FOXRED2: variants seen among roughly 807,000 people sequenced by gnomAD.
FOXRED2 encodes the protein FAD dependent oxidoreductase domain containing 2.
Under a neutral mutation model 52.5 loss-of-function variants are expected in FOXRED2, and 32 were observed. The ratio of observed to expected loss-of-function variants is 0.61; its 90% CI spans 0.46 to 0.82. The LOEUF (loss-of-function observed/expected upper bound fraction) is 0.82, where lower values mean the gene tolerates loss of function less well. Among genes scored for constraint, FOXRED2 ranks in the 40% least tolerant of loss-of-function variants. The pLI is 0.00. For synonymous variants in FOXRED2, 405 were observed against 398.1 expected, an observed-to-expected ratio of 1.02 and a Z score of -0.21; for missense variants, 848 against 937.5, an observed-to-expected ratio of 0.90 and a Z score of 1.25.
intron 1 of FOXRED2, 170 bp from the exon 2 acceptor site, chr22:36,506,593 A>G: frequency 1.7e-6 from 1 of 591,028 alleles, no homozygotes; most frequent in Non-Finnish European, 2.7e-6. Context: ...TCAAGCTGGG[A>G]CTTGGGGCTC....
At chr22:36,506,823 A>T in intron 1 of FOXRED2, 186 bp downstream of exon 1, 1 of 172,146 alleles carries the variant, frequency 5.8e-6, no homozygotes, top group Non-Finnish European at 1.2e-5. Flanking sequence ...TGGGAGCCTG[A>T]AGTGGGTGTG....
rs969345802 is a variant in FOXRED2 at position 36,501,250 on chromosome 22, G to T, written c.1207C>A (p.Arg403=). Residue 403 remains arginine, a synonymous_variant, in exon 5 of 9, where the codon CGA becomes AGA. Transcript: ENST00000397224. ...TCTCAGCTGGGCTCACCTGTGTATC[G>T]GAATCCGTGGATGAAGCCCCCAGCA... ...KSAGGFIHGF[R]YTVRAVHRLL... 22 of 1,613,878 alleles carry T rather than the reference G, an allele frequency of 1.4e-5. No individual in the cohort carries two copies. Among genetic ancestry groups the T allele is most frequent in the Non-Finnish European group, 1.7e-5 (20 of 1,179,986 alleles).
At chr22:36,493,128 G>A (rs760684779) in intron 8 of FOXRED2, among the ~76,000 whole-genome samples, 11 of 152,182 alleles carry the variant, frequency 7.2e-5, no homozygotes, top group Non-Finnish European at 1.5e-4. Context: ...ATGGCGCCTG[G>A]CCCTGCTAAT....
At chr22:36,497,175 G>C (rs1390064141) in intron 6 of FOXRED2, among the ~76,000 whole-genome samples, 1 of 148,864 alleles carries the variant, frequency 6.7e-6, no homozygotes, top group African/African-American at 2.5e-5. Flanking sequence ...GTGAGACTCT[G>C]AGTCAAAAAA....
Position 36,504,210 on chromosome 22 carries a change from C to A in FOXRED2, c.937G>T (p.Ala313Ser), listed in dbSNP as rs1408602789. ...TCCTGGGGGAGGGTGATGGAGTCGG[C>A]ACTCTGGTTGGTGTTGGCTTCTTCC... ...FLEEANTNQS[A>S]DSITLPQDDN... The change falls in exon 4 of 9, where the codon GCC becomes TCC. Residue 313 changes from alanine (A) to serine (S), a missense_variant. Coordinates refer to ENST00000397224, the MANE Select transcript of FOXRED2 (RefSeq NM_001102371.2). The A allele has an allele frequency of 6.2e-7, 1 of 1,614,202 alleles. No homozygotes were observed. Among genetic ancestry groups the A allele is most frequent in the Admixed American group, 1.7e-5 (1 of 60,022 alleles).
Position 36,489,764 on chromosome 22 carries a change from G to A in FOXRED2, c.*244C>T. The A allele has an allele frequency of 2.3e-6, 1 of 437,198 alleles. No individual in the cohort carries two copies. Among genetic ancestry groups the A allele is most frequent in the South Asian group, 4.2e-5 (1 of 23,878 alleles). The allele number at this position is 437,198 out of a possible 1,614,324, so 27.1% of individuals were successfully genotyped here. A position where few individuals can be genotyped will look rare whatever the true frequency, so the allele number is the denominator to read the frequency against. Reference sequence around the variant, plus strand: ...TCCATTGCAGACAAACTGGGCTGGGGAAGGCAGCTCCCACCTGGCAGAGGA... The same window carrying A: ...TCCATTGCAGACAAACTGGGCTGGGAAAGGCAGCTCCCACCTGGCAGAGGA... On this transcript the variant is annotated 3_prime_UTR_variant, in exon 9 of 9. Transcript: ENST00000397224.
intron 2 of FOXRED2, among the ~76,000 whole-genome samples, chr22:36,505,281 A>G (rs571185673): frequency 6.6e-6 from 1 of 152,316 alleles, no homozygotes; most frequent in East Asian, 1.9e-4. Context: ...TTTACAGGTG[A>G]GGAGGCACAG....
Position 36,488,371 on chromosome 22 carries a change from G to C in FOXRED2, c.*1637C>G. 1 of 152,232 alleles carries C rather than the reference G, an allele frequency of 6.6e-6. No homozygotes were observed. The highest frequency in any genetic ancestry group is 2.1e-4 in the South Asian group (1 of 4,824). The allele number at this position is 152,232 out of a possible 1,614,324, so 9.4% of individuals were successfully genotyped here. ...CCTCCCAGGTTCAAGCAATTCTCCTGCCTCAGCTTCCCAAGTAGCTGGGAT... is the reference window on the plus strand; with the variant it reads ...CCTCCCAGGTTCAAGCAATTCTCCTCCCTCAGCTTCCCAAGTAGCTGGGAT... On this transcript the variant is annotated 3_prime_UTR_variant, in exon 9 of 9. Coordinates refer to ENST00000397224, the MANE Select transcript of FOXRED2 (RefSeq NM_001102371.2).
intron 7 of FOXRED2, among the ~76,000 whole-genome samples, chr22:36,495,179 T>G (rs1178009321): frequency 6.6e-6 from 1 of 152,138 alleles, no homozygotes; most frequent in East Asian, 1.9e-4. Flanking sequence ...CAGGCTGGTC[T>G]TGAACTCCTG....
Position 36,496,352 on chromosome 22 carries a change from C to G in FOXRED2, c.1383-144G>C, listed in dbSNP as rs935374062. On this transcript the variant is annotated intron_variant, in intron 6 of 8. Coordinates refer to ENST00000397224, the MANE Select transcript of FOXRED2 (RefSeq NM_001102371.2). ...GCAGCACACCCCTCACTTAACATTACTTTTTCAGCTCAGCTCTCACGCACA... is the reference window on the plus strand; with the variant it reads ...GCAGCACACCCCTCACTTAACATTAGTTTTTCAGCTCAGCTCTCACGCACA... The G allele has an allele frequency of 3.9e-6, 4 of 1,025,064 alleles. No individual in the cohort carries two copies. In the South Asian group the frequency reaches 6.5e-5, roughly 17 times the overall value. 63.5% of individuals were successfully genotyped at this position (1,025,064 alleles called of 1,614,324 possible).
rs747409045 is a variant in FOXRED2, at chr22:36,493,775, G to A, written c.1653C>T (p.His551=). ...TEQEVRFRPA[H]WPLPRPTAIH... Reference sequence around the variant, plus strand: ...TGGCCGTGGGCCGAGGCAGGGGCCAGTGTGCAGGGCGGAACCTCACCTCCT... The same window carrying A: ...TGGCCGTGGGCCGAGGCAGGGGCCAATGTGCAGGGCGGAACCTCACCTCCT... Residue 551 remains histidine (H), a synonymous_variant, in exon 8 of 9, where the codon CAC becomes CAT. Transcript: ENST00000397224. 5 of 1,614,100 alleles carry A rather than the reference G, an allele frequency of 3.1e-6. No individual in the cohort carries two copies.
chr22:36,500,066 G>A (rs1221269312), intron 5 of FOXRED2, among the ~76,000 whole-genome samples: 2 of 152,176 alleles, frequency 1.3e-5, no homozygotes, highest in Non-Finnish European at 2.9e-5. Flanking sequence ...CTACCAAAGT[G>A]CTGGGATGAC....
intron 2 of FOXRED2, among the ~76,000 whole-genome samples, chr22:36,505,583 A>C (rs914551919): frequency 2.6e-5 from 4 of 152,076 alleles, no homozygotes; most frequent in African/African-American, 9.7e-5. Flanking sequence ...AGCCTGGCCA[A>C]CGTCGTGAAA....
chr22:36,496,121 G>C lies in FOXRED2; in HGVS notation c.1470C>G (p.His490Gln), dbSNP rs113645261. Residue 490 changes from histidine to glutamine, a missense_variant, in exon 7 of 9, where the codon CAC becomes CAG. By Grantham distance (24) the His-to-Gln change is conservative. Coordinates refer to ENST00000397224, the MANE Select transcript of FOXRED2 (RefSeq NM_001102371.2). Reference protein sequence around the residue: ...LETLTGRKAKHGLFVINMEYG... With the variant: ...LETLTGRKAKQGLFVINMEYG... ...ATTCCATGTTGATGACGAAGAGCCC[G>C]TGCTTTGCCTTCCTCCCTGTGAGTG... is the stretch of plus-strand genomic sequence containing the variant. 1.2e-6 allele frequency: 2 copies of C among 1,614,076 alleles called. No individual in the cohort carries two copies. The highest frequency in any genetic ancestry group is 1.7e-6 in the Non-Finnish European group (2 of 1,180,058).
At chr22:36,499,008 C>T (rs909106700) in intron 5 of FOXRED2, among the ~76,000 whole-genome samples, 4 of 152,192 alleles carry the variant, frequency 2.6e-5, no homozygotes, top group African/African-American at 9.6e-5. Flanking sequence ...GATCTTGGCT[C>T]ACTGCAACCT....
At chr22:36,501,147 C>A in intron 5 of FOXRED2, 94 bp downstream of exon 5, 1 of 1,316,292 alleles carries the variant, frequency 7.6e-7, no homozygotes, top group Middle Eastern at 2.7e-4. Context: ...AAGCAATCCC[C>A]TAATGCTTCT....
rs1291844985 is a variant in FOXRED2, at chr22:36,501,162, A to G, written c.1216+79T>C. The G allele has an allele frequency of 4.2e-6, 6 of 1,427,218 alleles. No homozygotes were observed. The East Asian group carries it at 6.9e-5, about 16-fold the overall frequency. 88.4% of individuals were successfully genotyped at this position (1,427,218 alleles called of 1,614,324 possible). A position where few individuals can be genotyped will look rare whatever the true frequency, so the allele number is the denominator to read the frequency against. ...AAGCAATCCCCTAATGCTTCTGGAC[A>G]TAGGAGTAGATTTATAAACCCTGGG... On this transcript the variant is annotated intron_variant, in intron 5 of 8. Coordinates refer to ENST00000397224, the MANE Select transcript of FOXRED2 (RefSeq NM_001102371.2).
Position 36,490,261 on chromosome 22 carries a change from C to A in FOXRED2, c.1802G>T (p.Cys601Phe), listed in dbSNP as rs766350405. 1 of 1,599,644 alleles carries A rather than the reference C, an allele frequency of 6.3e-7. No individual in the cohort carries two copies. Among genetic ancestry groups the A allele is most frequent in the East Asian group, 2.2e-5 (1 of 44,570 alleles). The change falls in exon 9 of 9, where the codon TGC (cysteine) becomes TTC (phenylalanine). Residue 601 changes from cysteine (C) to phenylalanine (F), a missense_variant. Physicochemically the swap from Cys to Phe is radical, Grantham distance 205. Coordinates refer to ENST00000397224, the MANE Select transcript of FOXRED2 (RefSeq NM_001102371.2). ...CTGGCGCGTGAGGGCGAACAGGAAG[C>A]AGGACTCTACACAAAAGCAAAATGA... ...TDLRSFYAES[C>F]FLFALTRQKL...
chr22:36,506,679 T>C (rs960427861), intron 1 of FOXRED2: 14 of 440,754 alleles, frequency 3.2e-5, no homozygotes, highest in East Asian at 2.3e-4. Flanking sequence ...CCGCTTATGA[T>C]TGTAGTAACC....
Sources: allele counts gnomAD v4.1 joint callset (sites outside exome capture counted in the v4.1 genomes callset), GRCh38; gene constraint gnomAD v4.1.1; transcripts MANE v1.5; gene names NCBI Gene and HGNC (gene_info 2026-07-23, HGNC 2026-07-21).